The following HDX variants were observed in gnomAD, a reference collection of about 807,000 sequenced individuals.
The protein encoded by HDX is highly divergent homeobox, also known as chromosome X open reading frame 43.
Under a neutral mutation model 45.2 loss-of-function variants are expected in HDX, and 19 were observed. The ratio of observed to expected loss-of-function variants is 0.42; its 90% confidence interval spans 0.29 to 0.62. HDX has a LOEUF of 0.62. Ranked by LOEUF, HDX falls within the 20% of genes least tolerant of loss-of-function variation. The pLI is 0.20. For synonymous variants in HDX, 188 were observed against 172.8 expected, an observed-to-expected ratio of 1.09 and a Z score of -0.69; for missense variants, 532 against 493.9, an observed-to-expected ratio of 1.08 and a Z score of -0.73.
chrX:84,345,517 T>C (rs2037181664), intron 6 of HDX, among the ~76,000 whole-genome samples: 1 of 111,859 alleles, frequency 8.9e-6, no homozygotes, highest in South Asian at 3.6e-4. Context: ...TTACCCATGT[T>C]CGTTTAACCA....
chrX:84,478,607 G>A lies in HDX; in HGVS notation c.1-3210C>T, dbSNP rs139266659. Among the ~76,000 whole-genome samples, 199 of 111,987 alleles carry A rather than the reference G, an allele frequency of 1.8e-3. 1 individual carries two copies. Among genetic ancestry groups the A allele is most frequent in the African/African-American group, 6.2e-3 (192 of 30,805 alleles). On this transcript the variant is annotated intron_variant, in intron 2 of 10. Transcript: ENST00000373177. ...AACAAGATATTCTAAATGGGATGAC[G>A]CATTTGGAGGCTGAGGTAGGAGGAT...
chrX:84,495,258 A>G (rs1007370737), intron 1 of HDX, among the ~76,000 whole-genome samples: 2 of 111,789 alleles, frequency 1.8e-5, no homozygotes, highest in East Asian at 2.8e-4. Context: ...GACAGGAAGA[A>G]TAAGTTCAAG....
intron 5 of HDX, among the ~76,000 whole-genome samples, chrX:84,384,902 C>T (rs1428191667): frequency 9.1e-6 from 1 of 110,316 alleles, no homozygotes; most frequent in Non-Finnish European, 1.9e-5. Flanking sequence ...GTTTTTGTAC[C>T]AGTACTTTGT....
chrX:84,413,358 T>C (rs2039030494), intron 5 of HDX, among the ~76,000 whole-genome samples: 1 of 111,830 alleles, frequency 8.9e-6, no homozygotes. Flanking sequence ...GAGTGTTTGT[T>C]TATGGTATAA....
rs143487849 is a variant in HDX, at chrX:84,326,256, C to T, written c.1869G>A (p.Lys623=). 2,372 of 1,189,506 alleles carry T rather than the reference C, an allele frequency of 2.0e-3. 40 individuals are homozygous for T. In the Admixed American group the frequency reaches 0.035, roughly 18 times the overall value. The part of the protein sequence containing the change: ...KFIENELEIQ[K]QKYFKLQTFV... ...AAGTCTGAAGTTTAAAGTATTTTTG[C>T]TTTTGAATCTCGAGCTCATTTTCAA... The change falls in exon 10 of 11, where the codon AAG becomes AAA. Residue 623 remains lysine (K), a synonymous_variant. Coordinates refer to ENST00000373177, the MANE Select transcript of HDX (RefSeq NM_001177479.2).
chrX:84,454,163 G>A (rs141324049), intron 4 of HDX, among the ~76,000 whole-genome samples: 1 of 111,470 alleles, frequency 9.0e-6, no homozygotes, highest in Non-Finnish European at 1.9e-5. Flanking sequence ...TGGGCATGGG[G>A]AAAGACACCT....
At chrX:84,448,988 T>TA (rs2039937742) in intron 4 of HDX, among the ~76,000 whole-genome samples, 1 of 107,595 alleles carries the variant, frequency 9.3e-6, no homozygotes. Context: ...TGGAATCAAA[T>TA]AAAAAATCTA....
At chrX:84,400,447 T>C (rs1038923879) in intron 5 of HDX, among the ~76,000 whole-genome samples, 1 of 108,068 alleles carries the variant, frequency 9.3e-6, no homozygotes, top group African/African-American at 3.4e-5. Context: ...CAAACTCCCA[T>C]TCACAATTGC....
intron 6 of HDX, among the ~76,000 whole-genome samples, chrX:84,358,952 C>T (rs754589957): frequency 1.8e-5 from 2 of 111,230 alleles, no homozygotes; most frequent in Admixed American, 9.6e-5. Flanking sequence ...TGCTCACAAG[C>T]GTCAACTGTT....
intron 6 of HDX, among the ~76,000 whole-genome samples, chrX:84,356,809 A>G (rs2037498188): frequency 9.1e-6 from 1 of 109,767 alleles, no homozygotes. Context: ...TTTTTAGTAG[A>G]GACGGGGTTT....
At chrX:84,433,750 T>G (rs1036295071) in intron 5 of HDX, among the ~76,000 whole-genome samples, 2 of 111,516 alleles carry the variant, frequency 1.8e-5, no homozygotes, top group African/African-American at 6.5e-5. Flanking sequence ...GATAAATATT[T>G]TATTGAATCT....
chrX:84,406,555 C>A (rs866414500), intron 5 of HDX, among the ~76,000 whole-genome samples: 3 of 84,637 alleles, frequency 3.5e-5, no homozygotes, highest in Non-Finnish European at 7.2e-5. Context: ...CTATCTATAT[C>A]TATCATCATC....
chrX:84,439,035 G>A (rs956891055), intron 5 of HDX, among the ~76,000 whole-genome samples: 2 of 111,682 alleles, frequency 1.8e-5, no homozygotes, highest in Admixed American at 9.5e-5. Flanking sequence ...AGACTGAGGA[G>A]AATCAGTTCT....
chrX:84,459,411 C>T (rs1257494643), intron 4 of HDX, among the ~76,000 whole-genome samples: 2 of 107,008 alleles, frequency 1.9e-5, no homozygotes, highest in Non-Finnish European at 3.8e-5. Flanking sequence ...CGCTGCACTG[C>T]AGCCTGGGCG....
At chrX:84,457,273 G>A (rs1040848833) in intron 4 of HDX, among the ~76,000 whole-genome samples, 5 of 111,304 alleles carry the variant, frequency 4.5e-5, no homozygotes, top group African/African-American at 6.5e-5. Context: ...CATGGTTTAC[G>A]ATTTTTTAAA....
chrX:84,346,432 G>A (rs1384745719), intron 6 of HDX, among the ~76,000 whole-genome samples: 1 of 111,211 alleles, frequency 9.0e-6, no homozygotes, highest in Non-Finnish European at 1.9e-5. Flanking sequence ...AAACAGTATC[G>A]AATAAAAAAG....
intron 5 of HDX, among the ~76,000 whole-genome samples, chrX:84,419,188 G>A (rs186404977): frequency 9.1e-6 from 1 of 110,448 alleles, no homozygotes; most frequent in African/African-American, 3.3e-5. Flanking sequence ...GCTGGCTTCA[G>A]GTACCAGCAT....
intron 7 of HDX, among the ~76,000 whole-genome samples, chrX:84,343,433 A>G (rs2037129930): frequency 9.1e-6 from 1 of 110,307 alleles, no homozygotes; most frequent in Non-Finnish European, 1.9e-5. Context: ...CAAATCAACA[A>G]CAACAAAACA....
intron 5 of HDX, among the ~76,000 whole-genome samples, chrX:84,410,406 G>A (rs1057279681): frequency 6.3e-5 from 7 of 111,331 alleles, no homozygotes; most frequent in African/African-American, 2.3e-4. Context: ...CTATTGAAAT[G>A]GTTATATGGA....
Sources: gnomAD v4.1 joint callset for allele counts (sites outside exome capture counted in the v4.1 genomes callset) on GRCh38, gnomAD v4.1.1 for gene constraint, MANE v1.5 for transcripts, NCBI Gene and HGNC (gene_info 2026-07-23, HGNC 2026-07-21) for gene names.